The following NHSL1 variants were observed in gnomAD, a reference collection of about 807,000 sequenced individuals.
NHSL1 encodes NHS-like protein 1.
A neutral mutation model predicts 95.0 loss-of-function variants in NHSL1; 48 were observed. That is an observed-to-expected ratio of 0.51 (90% CI 0.40 to 0.64). NHSL1 has a LOEUF of 0.64. NHSL1 is among the 30% of genes least tolerant of loss of function. The pLI is 0.00. For missense variants in NHSL1, 1,971 were observed against 2,077.7 expected (o/e 0.95, Z 1.00); for synonymous variants, 783 against 833.9 (o/e 0.94, Z 1.05).
chr6:138,441,848 A>G (rs1328515400), intron 5 of NHSL1, 135 bp downstream of exon 5: 1 of 738,144 alleles, frequency 1.4e-6, no homozygotes, highest in African/African-American at 1.8e-5. Context: ...TGCCTCATTC[A>G]GGAAGGAAGC....
At chr6:138,538,831 C>T (rs1310805122) in intron 1 of NHSL1, among the ~76,000 whole-genome samples, 1 of 152,158 alleles carries the variant, frequency 6.6e-6, no homozygotes, top group Non-Finnish European at 1.5e-5. Context: ...TTAAAGTGTA[C>T]TACAACTTGT....
At chr6:138,427,843 T>C (rs182270113) in intron 7 of NHSL1, among the ~76,000 whole-genome samples, 25 of 152,322 alleles carry the variant, frequency 1.6e-4, no homozygotes, top group Admixed American at 1.4e-3. Flanking sequence ...AGACAGTAGA[T>C]GGATTTTTAC....
chr6:138,663,008 A>G (rs1052504176), intron 1 of NHSL1, among the ~76,000 whole-genome samples: 20 of 149,038 alleles, frequency 1.3e-4, no homozygotes, highest in African/African-American at 4.7e-4. Context: ...TTTTCAGGAA[A>G]TAATAGCCAA....
intron 1 of NHSL1, chr6:138,691,691 G>C: frequency 5.9e-6 from 2 of 339,496 alleles, no homozygotes; most frequent in South Asian, 2.4e-5. Flanking sequence ...CTCTGCTTTG[G>C]GCCAGCAGGA....
At position 138,661,366 on chromosome 6, in the gene NHSL1, G is replaced by T. The variant is rs116940290; in HGVS notation, c.96+31110C>A. ...AAAAATTAGCCAGGCAAGGTGGTGGGTGCCTGTAATTCCAGCTACGTGGGA... is the reference window on the plus strand; with the variant it reads ...AAAAATTAGCCAGGCAAGGTGGTGGTTGCCTGTAATTCCAGCTACGTGGGA... On this transcript the variant is annotated intron_variant, in intron 1 of 3. Coordinates refer to the NHSL1 transcript ENST00000491526. 4.4e-3 allele frequency among the ~76,000 whole-genome samples: 671 copies of T among 152,052 alleles called. 12 individuals carry two copies. In the East Asian group the frequency reaches 0.073, roughly 17 times the overall value.
intron 1 of NHSL1, among the ~76,000 whole-genome samples, chr6:138,674,952 G>A (rs969356170): frequency 2.0e-5 from 3 of 151,860 alleles, no homozygotes; most frequent in Non-Finnish European, 4.4e-5. Flanking sequence ...AGAGGCTTAG[G>A]TGAGAGGATG....
At chr6:138,606,002 T>C (rs1019173719) in intron 1 of NHSL1, among the ~76,000 whole-genome samples, 2 of 152,232 alleles carry the variant, frequency 1.3e-5, no homozygotes, top group South Asian at 2.1e-4. Flanking sequence ...CTGGAGAGGT[T>C]TGCTGTTCTG....
chr6:138,648,596 C>A (rs907606453), intron 1 of NHSL1, among the ~76,000 whole-genome samples: 8 of 152,188 alleles, frequency 5.3e-5, no homozygotes, highest in Admixed American at 4.6e-4. Flanking sequence ...ATTGCTGGGA[C>A]TTCTCAAAGC....
chr6:138,635,040 C>T (rs1784869792), intron 1 of NHSL1, among the ~76,000 whole-genome samples: 1 of 149,472 alleles, frequency 6.7e-6, no homozygotes, highest in Non-Finnish European at 1.5e-5. Context: ...AAAAGCAGTG[C>T]TAAGAGGAAA....
intron 1 of NHSL1, among the ~76,000 whole-genome samples, chr6:138,609,740 ACT>A (rs1449374339): frequency 3.3e-5 from 3 of 91,412 alleles, no homozygotes; most frequent in Non-Finnish European, 5.9e-5. Context: ...ACAGAGCAAG[ACT>A]CTGTCTCAAA....
intron 1 of NHSL1, among the ~76,000 whole-genome samples, chr6:138,649,426 C>CAAAAAAAA (rs200672360): frequency 7.1e-6 from 1 of 141,836 alleles, no homozygotes. Flanking sequence ...TAAAGCCATC[C>CAAAAAAAA]AAAAAAAAAA....
intron 1 of NHSL1, among the ~76,000 whole-genome samples, chr6:138,519,551 C>T (rs1406448047): frequency 6.6e-6 from 1 of 152,112 alleles, no homozygotes; most frequent in Non-Finnish European, 1.5e-5. Context: ...GACATTTGCA[C>T]AAGATTTTTT....
chr6:138,573,288 G>T (rs1464457760), upstream of NHSL1, among the ~76,000 whole-genome samples: 2 of 152,136 alleles, frequency 1.3e-5, no homozygotes, highest in Admixed American at 6.5e-5. Context: ...ACGGTCCTAG[G>T]GGTGTTAAAA....
At chr6:138,457,443 G>A (rs1777689693) in intron 3 of NHSL1, among the ~76,000 whole-genome samples, 1 of 152,072 alleles carries the variant, frequency 6.6e-6, no homozygotes, top group Non-Finnish European at 1.5e-5. Flanking sequence ...CAATTAGCCA[G>A]AGTAAATAAC....
chr6:138,661,126 T>A (rs1389687867), intron 1 of NHSL1, among the ~76,000 whole-genome samples: 1 of 152,200 alleles, frequency 6.6e-6, no homozygotes, highest in Non-Finnish European at 1.5e-5. Context: ...ACTTTTTTTA[T>A]GTATGTGTAT....
intron 1 of NHSL1, among the ~76,000 whole-genome samples, chr6:138,517,657 T>A (rs1468198416): frequency 6.6e-6 from 1 of 152,328 alleles, no homozygotes; most frequent in African/African-American, 2.4e-5. Flanking sequence ...TTAAGAGATA[T>A]TAAGGAGTTC....
intron 1 of NHSL1, among the ~76,000 whole-genome samples, chr6:138,598,206 C>A (rs1388476126): frequency 6.6e-6 from 1 of 152,080 alleles, no homozygotes; most frequent in Non-Finnish European, 1.5e-5. Context: ...CGCCTGTAAT[C>A]CCAACAATTT....
intron 1 of NHSL1, among the ~76,000 whole-genome samples, chr6:138,542,617 G>A (rs1422343359): frequency 6.6e-6 from 1 of 152,198 alleles, no homozygotes; most frequent in East Asian, 1.9e-4. Flanking sequence ...CGAAGTTAGA[G>A]AAGCACTGCA....
chr6:138,494,217 CT>C (rs1172350287), intron 2 of NHSL1, among the ~76,000 whole-genome samples: 2 of 152,158 alleles, frequency 1.3e-5, no homozygotes, highest in Non-Finnish European at 2.9e-5. Flanking sequence ...AGTTTGTCTC[CT>C]CAGTATTTTC....
Sources: allele counts gnomAD v4.1 joint callset (sites outside exome capture counted in the v4.1 genomes callset), GRCh38; gene constraint gnomAD v4.1.1; transcripts MANE v1.5; gene names NCBI Gene and HGNC (gene_info 2026-07-23, HGNC 2026-07-21).